TBXA2R: variants seen among roughly 807,000 people sequenced by gnomAD.
The protein encoded by TBXA2R is prostanoid TP receptor.
TBXA2R carries 15 observed loss-of-function variants against 15.6 expected under a neutral mutation model. The observed-to-expected ratio is 0.96, with a 90% CI of 0.64 to 1.48. The LOEUF is 1.48. Ranked by LOEUF, TBXA2R falls within the 40% of genes most tolerant of loss-of-function variation. The pLI is 0.00. For missense variants in TBXA2R, 506 were observed against 491.4 expected (o/e 1.03, Z -0.28); for synonymous variants, 280 against 241.2 (o/e 1.16, Z -1.49).
chr19:3,600,455 G>C lies in TBXA2R; in HGVS notation c.180C>G (p.Arg60=), dbSNP rs762532076. The change falls in exon 2 of 3, where the codon CGC becomes CGG. Residue 60 remains arginine (R), a synonymous_variant. Coordinates refer to ENST00000375190, the MANE Select transcript of TBXA2R (RefSeq NM_001060.6). ...AGARQGGSHT[R]SSFLTFLCGL... Reference sequence around the variant, plus strand: ...CGCAGAGGAAGGTGAGGAAGGAGGAGCGCGTGTGCGAACCCCCCTGCCGCG... The same window carrying C: ...CGCAGAGGAAGGTGAGGAAGGAGGACCGCGTGTGCGAACCCCCCTGCCGCG... 2 of 1,612,942 alleles carry C rather than the reference G, an allele frequency of 1.2e-6. No homozygotes were observed. Among genetic ancestry groups the C allele is most frequent in the Non-Finnish European group, 1.7e-6 (2 of 1,179,674 alleles).
In TBXA2R at chr19:3,594,842, CT is replaced by C. The variant is rs1458364532; in HGVS notation, c.*845del. 6.5e-7 allele frequency: 1 copy of C among 1,536,258 alleles called. No individual in the cohort carries two copies. Among genetic ancestry groups the C allele is most frequent in the African/African-American group, 1.4e-5 (1 of 73,038 alleles). On this transcript the variant is annotated 3_prime_UTR_variant, in exon 3 of 3. Coordinates refer to ENST00000375190, the MANE Select transcript of TBXA2R (RefSeq NM_001060.6). ...GGGGTGCCCCCGTTCACATTCAATC[CT>C]TTCTGGACAGAGCCTTCCCTGTTGG...
chr19:3,600,229 G>C lies in TBXA2R; in HGVS notation c.406C>G (p.Arg136Gly). 6.2e-7 allele frequency: 1 copy of C among 1,610,536 alleles called. No individual in the cohort carries two copies. The highest frequency in any genetic ancestry group is 8.5e-7 in the Non-Finnish European group (1 of 1,179,090). The change falls in exon 2 of 3, where the codon CGG becomes GGG. Residue 136 changes from arginine to glycine, a missense_variant. By Grantham distance (125) the Arg-to-Gly change is moderately radical (BLOSUM62 -2). Coordinates refer to ENST00000375190, the MANE Select transcript of TBXA2R (RefSeq NM_001060.6). The stretch of plus-strand genomic sequence containing the variant: ...GCGACCGCCGGGCGCGAGAAGGGCC[G>C]GGTGATACCCAGGTAGCGCTCTGAG... ...MASERYLGIT[R>G]PFSRPAVASQ...
In TBXA2R at chr19:3,600,536, G is replaced by A. The variant is rs1469068948; in HGVS notation, c.99C>T (p.Ser33=). 1 of 1,612,084 alleles carries A rather than the reference G, an allele frequency of 6.2e-7. No individual in the cohort carries two copies. Residue 33 remains serine, a synonymous_variant, in exon 2 of 3, where the codon TCC becomes TCT. Transcript: ENST00000375190. ...RLIASPWFAA[S]FCVVGLASNL... is the part of the protein sequence containing the mutation. ...TGGAGGCCAGGCCCACCACGCAGAA[G>A]GAGGCGGCGAACCAGGGCGAGGCGA...
chr19:3,605,780 A>G (rs1460310714), intron 1 of TBXA2R, among the ~76,000 whole-genome samples: 2 of 149,958 alleles, frequency 1.3e-5, no homozygotes, highest in East Asian at 1.9e-4. Context: ...AACATGACAG[A>G]CACAGACACA....
chr19:3,600,304 C>T lies in TBXA2R; in HGVS notation c.331G>A (p.Val111Ile), dbSNP rs1249340215. Residue 111 changes from valine (V) to isoleucine (I), a missense_variant, in exon 2 of 3, where the codon GTC becomes ATC. Transcript: ENST00000375190. ...GCRLCRFMGV[V>I]MIFFGLSPLL... The stretch of plus-strand genomic sequence containing the variant: ...GGGGACAGGCCGAAGAAGATCATGA[C>T]GACGCCCATGAAGCGACAGAGACGG... 7 of 1,612,884 alleles carry T rather than the reference C, an allele frequency of 4.3e-6. No homozygotes were observed. The highest frequency in any genetic ancestry group is 5.9e-6 in the Non-Finnish European group (7 of 1,179,794).
intron 2 of TBXA2R, among the ~76,000 whole-genome samples, chr19:3,597,487 C>T (rs1474599432): frequency 2.0e-5 from 3 of 151,992 alleles, no homozygotes; most frequent in Admixed American, 6.6e-5. Flanking sequence ...CAAAATTAGC[C>T]GGGTGTGGTG....
chr19:3,605,268 T>C (rs2032808438), intron 1 of TBXA2R, among the ~76,000 whole-genome samples: 1 of 152,180 alleles, frequency 6.6e-6, no homozygotes. Context: ...CAGCTGGTGG[T>C]TAATGGTGGA....
chr19:3,600,347 G>A lies in TBXA2R; in HGVS notation c.288C>T (p.His96=), dbSNP rs1481679561. ...VSQHAALFEW[H]AVDPGCRLCR... ...AGAGACGGCAGCCAGGGTCCACGGC[G>A]TGCCACTCGAAGAGCGCGGCGTGCT... is the stretch of plus-strand genomic sequence containing the variant. Residue 96 remains histidine, a synonymous_variant, in exon 2 of 3, where the codon CAC becomes CAT. Transcript: ENST00000375190. The A allele has an allele frequency of 3.7e-6, 6 of 1,613,300 alleles. No homozygotes were observed. Among genetic ancestry groups the A allele is most frequent in the Non-Finnish European group, 3.4e-6 (4 of 1,179,844 alleles).
intron 2 of TBXA2R, among the ~76,000 whole-genome samples, chr19:3,598,890 C>G (rs2032655114): frequency 2.0e-5 from 3 of 152,016 alleles, no homozygotes; most frequent in Admixed American, 2.0e-4. Flanking sequence ...GCATGGTCTC[C>G]ATCTCTTGAC....
intron 1 of TBXA2R, among the ~76,000 whole-genome samples, chr19:3,604,392 C>G (rs35329527): frequency 0.011 from 1,659 of 151,730 alleles, 31 homozygotes; most frequent in African/African-American, 0.038. Context: ...CCAGGCCTGG[C>G]TGCCCCAAGC....
intron 2 of TBXA2R, among the ~76,000 whole-genome samples, chr19:3,599,641 A>G (rs1432164594): frequency 1.3e-5 from 2 of 151,910 alleles, no homozygotes; most frequent in Non-Finnish European, 2.9e-5. Flanking sequence ...TAATTTTTGT[A>G]TTTTTAGTAG....
At position 3,594,735 on chromosome 19, in the gene TBXA2R, A is replaced by G; in HGVS notation, c.*953T>C. ...CCTCGTCTGCTCCGGGTGAGGCCCA[A>G]TGCACAAACTCCAGAGATTGAAAAC... On this transcript the variant is annotated 3_prime_UTR_variant, in exon 3 of 3. Coordinates refer to ENST00000375190, the MANE Select transcript of TBXA2R (RefSeq NM_001060.6). The G allele has an allele frequency of 9.5e-7, 1 of 1,056,846 alleles. No individual in the cohort carries two copies. The highest frequency in any genetic ancestry group is 1.3e-6 in the Non-Finnish European group (1 of 743,630). The allele number at this position is 1,056,846 out of a possible 1,614,324, so 65.5% of individuals were successfully genotyped here.
chr19:3,595,535 C>T lies in TBXA2R; in HGVS notation c.*153G>A, dbSNP rs1195533673. ...AGGATCAGGGAGGAGTTGGGGGTCCCCGGGTTGGATTGGGGTCAACCCAAA... is the reference window on the plus strand; with the variant it reads ...AGGATCAGGGAGGAGTTGGGGGTCCTCGGGTTGGATTGGGGTCAACCCAAA... On this transcript the variant is annotated 3_prime_UTR_variant, in exon 3 of 3. Coordinates refer to ENST00000375190, the MANE Select transcript of TBXA2R (RefSeq NM_001060.6). 7.0e-7 allele frequency: 1 copy of T among 1,435,202 alleles called. No homozygotes were observed. 88.9% of individuals were successfully genotyped at this position (1,435,202 alleles called of 1,614,324 possible). A position where few individuals can be genotyped will look rare whatever the true frequency, so the allele number is the denominator to read the frequency against.
intron 1 of TBXA2R, among the ~76,000 whole-genome samples, chr19:3,602,146 G>C (rs1318713556): frequency 1.3e-5 from 2 of 152,036 alleles, no homozygotes; most frequent in Non-Finnish European, 1.5e-5. Context: ...GCGTGAACCT[G>C]GGAGGAGGAG....
At chr19:3,604,723 C>A (rs186586038) in intron 1 of TBXA2R, among the ~76,000 whole-genome samples, 2 of 152,170 alleles carry the variant, frequency 1.3e-5, no homozygotes, top group Non-Finnish European at 2.9e-5. Flanking sequence ...TCCATGCCTG[C>A]GGGTGCTAAG....
chr19:3,598,905 T>C (rs948906601), intron 2 of TBXA2R, among the ~76,000 whole-genome samples: 8 of 152,164 alleles, frequency 5.3e-5, no homozygotes, highest in Admixed American at 2.0e-4. Context: ...CTTGACCTCA[T>C]GATCTGCCCG....
chr19:3,600,781 A>T (rs2032721737), intron 1 of TBXA2R, 64 bp from the exon 2 acceptor site: 1 of 841,318 alleles, frequency 1.2e-6, no homozygotes, highest in Non-Finnish European at 1.9e-6. Flanking sequence ...AGCTCTGGTG[A>T]ACTCCTACAC....
At chr19:3,606,239 CCT>C in intron 1 of TBXA2R, among the ~76,000 whole-genome samples, 2 of 152,364 alleles carry the variant, frequency 1.3e-5, no homozygotes, top group East Asian at 3.9e-4. Flanking sequence ...GCTGCAGCCC[CCT>C]GAGTCTGGGA....
intron 2 of TBXA2R, among the ~76,000 whole-genome samples, chr19:3,599,323 TTTTTTATTTTTTA>T (rs893016077): frequency 3.1e-5 from 3 of 97,458 alleles, no homozygotes; most frequent in Non-Finnish European, 4.6e-5. Flanking sequence ...TCTGGCTAAT[TTTTTTATTTTTTA>T]TTTTTTTTTT....
Sources: allele counts gnomAD v4.1 joint callset (sites outside exome capture counted in the v4.1 genomes callset), GRCh38; gene constraint gnomAD v4.1.1; transcripts MANE v1.5; gene names NCBI Gene and HGNC (gene_info 2026-07-23, HGNC 2026-07-21).